SCHIP1: variants seen among roughly 807,000 people sequenced by gnomAD.
SCHIP1 encodes the protein schwannomin-interacting protein 1.
Under a neutral mutation model 29.7 loss-of-function variants are expected in SCHIP1, and 8 were observed. The ratio of observed to expected loss-of-function variants is 0.27; its 90% CI spans 0.16 to 0.49. SCHIP1 has a LOEUF of 0.49. Among genes scored for constraint, SCHIP1 ranks in the 20% least tolerant of loss-of-function variants. SCHIP1 has a pLI of 0.99. For synonymous variants in SCHIP1, 76 were observed against 94.9 expected, an observed-to-expected ratio of 0.80 and a Z score of 1.16; for missense variants, 193 against 294.6, an observed-to-expected ratio of 0.66 and a Z score of 2.52.
At chr3:159,726,458 T>A in the SCHIP1 span, among the ~76,000 whole-genome samples, 1 of 152,338 alleles carries the variant, frequency 6.6e-6, no homozygotes, top group Non-Finnish European at 1.5e-5. Flanking sequence ...ACCTTCGGGT[T>A]TAAGTCTTCT....
chr3:159,718,428 G>C, the SCHIP1 span, among the ~76,000 whole-genome samples: 1 of 152,190 alleles, frequency 6.6e-6, no homozygotes, highest in Non-Finnish European at 1.5e-5. Flanking sequence ...GTTAGGAAAA[G>C]AGGAAGTCAA....
the SCHIP1 span, among the ~76,000 whole-genome samples, chr3:159,346,922 G>T: frequency 6.6e-6 from 1 of 152,228 alleles, no homozygotes; most frequent in Non-Finnish European, 1.5e-5. Context: ...TGAGTGCCAG[G>T]TGTCAGGGCC....
At chr3:159,410,500 A>G in the SCHIP1 span, among the ~76,000 whole-genome samples, 1 of 152,204 alleles carries the variant, frequency 6.6e-6, no homozygotes, top group African/African-American at 2.4e-5. Flanking sequence ...GAGAAGACAT[A>G]CAAATGGCAA....
chr3:159,752,214 C>T, the SCHIP1 span, among the ~76,000 whole-genome samples: 81 of 152,156 alleles, frequency 5.3e-4, no homozygotes, highest in African/African-American at 1.8e-3. Context: ...GGTGCAAGAA[C>T]GGACTAAAAC....
At chr3:159,833,310 G>A in the SCHIP1 span, among the ~76,000 whole-genome samples, 3 of 152,124 alleles carry the variant, frequency 2.0e-5, no homozygotes, top group Non-Finnish European at 2.9e-5. Context: ...CATCTTCTAG[G>A]GACAGCCCAC....
chr3:159,761,302 G>A, the SCHIP1 span, among the ~76,000 whole-genome samples: 1 of 152,216 alleles, frequency 6.6e-6, no homozygotes, highest in Non-Finnish European at 1.5e-5. Flanking sequence ...GAGGGATCTT[G>A]TACTTACGTA....
chr3:159,284,932 G>A, the SCHIP1 span, among the ~76,000 whole-genome samples: 1 of 151,968 alleles, frequency 6.6e-6, no homozygotes, highest in South Asian at 2.1e-4. Flanking sequence ...TTGTGTTCTC[G>A]ATCTAATAAG....
intron 1 of SCHIP1, among the ~76,000 whole-genome samples, chr3:159,841,593 A>G (rs1032016882): frequency 3.3e-5 from 5 of 152,238 alleles, no homozygotes; most frequent in Non-Finnish European, 7.3e-5. Context: ...TTTGAAGGGC[A>G]AACTACTATA....
At chr3:159,471,588 T>C in the SCHIP1 span, among the ~76,000 whole-genome samples, 2 of 151,874 alleles carry the variant, frequency 1.3e-5, no homozygotes, top group Non-Finnish European at 2.9e-5. Context: ...TACATTACCA[T>C]ACAAATAAAA....
At chr3:159,462,163 C>T in the SCHIP1 span, among the ~76,000 whole-genome samples, 2 of 151,844 alleles carry the variant, frequency 1.3e-5, no homozygotes, top group African/African-American at 4.8e-5. Flanking sequence ...GAGCTGAGAT[C>T]GCACCATCAC....
chr3:159,450,087 C>G, the SCHIP1 span, among the ~76,000 whole-genome samples: 1 of 152,166 alleles, frequency 6.6e-6, no homozygotes. Context: ...AGACTTATCT[C>G]TATCAAAGAG....
At chr3:159,488,401 T>C in the SCHIP1 span, among the ~76,000 whole-genome samples, 2 of 152,190 alleles carry the variant, frequency 1.3e-5, no homozygotes, top group East Asian at 3.8e-4. Context: ...CCTGATGTGA[T>C]TGTTACACTT....
chr3:159,522,158 T>C, the SCHIP1 span, among the ~76,000 whole-genome samples: 1 of 152,238 alleles, frequency 6.6e-6, no homozygotes, highest in Non-Finnish European at 1.5e-5. Context: ...ATAGGTGTTA[T>C]GAAGTTTTTT....
chr3:159,684,803 CAAAAAA>C, the SCHIP1 span, among the ~76,000 whole-genome samples: 1 of 64,884 alleles, frequency 1.5e-5, no homozygotes, highest in African/African-American at 4.8e-5. Flanking sequence ...GACTCTGTTG[CAAAAAA>C]AAAAAAAAGA....
At chr3:159,860,793 T>G (rs1262556581) in intron 1 of SCHIP1, among the ~76,000 whole-genome samples, 1 of 152,188 alleles carries the variant, frequency 6.6e-6, no homozygotes, top group Non-Finnish European at 1.5e-5. Flanking sequence ...ACATCTGCTT[T>G]TATTCCCACT....
chr3:159,341,385 A>G, the SCHIP1 span, among the ~76,000 whole-genome samples: 1 of 152,162 alleles, frequency 6.6e-6, no homozygotes, highest in African/African-American at 2.4e-5. Context: ...TACCTTAAAG[A>G]AAAACTCTTT....
At chr3:159,868,415 C>G (rs1714895057) in intron 2 of SCHIP1, among the ~76,000 whole-genome samples, 1 of 152,048 alleles carries the variant, frequency 6.6e-6, no homozygotes, top group Admixed American at 6.6e-5. Context: ...CTCCCAAAGA[C>G]TGTCATCTCT....
the SCHIP1 span, among the ~76,000 whole-genome samples, chr3:159,697,668 G>A: frequency 6.6e-6 from 1 of 152,052 alleles, no homozygotes; most frequent in Admixed American, 6.6e-5. Context: ...CAAAAATTGT[G>A]GTGGTACTGA....
At chr3:159,731,276 A>T in the SCHIP1 span, among the ~76,000 whole-genome samples, 143 of 152,378 alleles carry the variant, frequency 9.4e-4, 4 homozygotes, top group South Asian at 9.7e-3. Flanking sequence ...CTAACATTTT[A>T]TAATTACTTT....
Sources: gnomAD v4.1 joint callset for allele counts (sites outside exome capture counted in the v4.1 genomes callset) on GRCh38, gnomAD v4.1.1 for gene constraint, MANE v1.5 for transcripts, NCBI Gene and HGNC (gene_info 2026-07-23, HGNC 2026-07-21) for gene names.